Variants in GNAO1 observed in about 807,000 individuals in gnomAD.
GNAO1 encodes the protein G protein subunit alpha o1, also known as guanine nucleotide-binding protein G(o) subunit alpha.
For missense variants in GNAO1, 166 were observed against 478.7 expected (o/e 0.35, Z 6.10); for synonymous variants, 164 against 180.7 (o/e 0.91, Z 0.74).
intron 3 of GNAO1, among the ~76,000 whole-genome samples, chr16:56,292,370 A>AT (rs1322082984): frequency 8.6e-5 from 13 of 151,518 alleles, no homozygotes; most frequent in African/African-American, 2.2e-4. Flanking sequence ...TTAAATTTGG[A>AT]TTTTTTTTTA....
At chr16:56,192,712 GT>G (rs2036189286) in intron 2 of GNAO1, 96 bp downstream of exon 2, 6 of 730,530 alleles carry the variant, frequency 8.2e-6, no homozygotes, top group South Asian at 7.4e-5. Flanking sequence ...CTCCAGGCCT[GT>G]TTTTTAATTC....
At chr16:56,347,095 A>G in intron 6 of GNAO1, 1 of 985,416 alleles carries the variant, frequency 1.0e-6, no homozygotes, top group Non-Finnish European at 1.2e-6. Flanking sequence ...AGTCCATTGC[A>G]GTCCCAGGTG....
At chr16:56,287,136 C>T (rs1379155591) in intron 3 of GNAO1, among the ~76,000 whole-genome samples, 2 of 152,236 alleles carry the variant, frequency 1.3e-5, no homozygotes, top group Non-Finnish European at 2.9e-5. Flanking sequence ...CCACCACTGA[C>T]CAATGGTCTC....
Position 56,212,728 on chromosome 16 carries a change from A to T in GNAO1, c.161+20112A>T, listed in dbSNP as rs990246137. Among the ~76,000 whole-genome samples, 8 of 152,226 alleles carry T rather than the reference A, an allele frequency of 5.3e-5. No individual in the cohort carries two copies. The East Asian group carries it at 9.6e-4, about 18-fold the overall frequency. On this transcript the variant is annotated intron_variant, in intron 2 of 8. Coordinates refer to ENST00000262493, the MANE Select transcript of GNAO1 (RefSeq NM_020988.3). ...GGCAGTTACTATACAGATGTAAGTG[A>T]TGGTGACAAGGTCGCTGTTGTGCTA...
At chr16:56,210,756 A>G (rs960347649) in intron 2 of GNAO1, among the ~76,000 whole-genome samples, 2 of 151,988 alleles carry the variant, frequency 1.3e-5, no homozygotes, top group African/African-American at 4.8e-5. Flanking sequence ...CCCACTTTTT[A>G]ATTGGGTCAT....
At chr16:56,211,004 A>G (rs1236226651) in intron 2 of GNAO1, among the ~76,000 whole-genome samples, 1 of 152,168 alleles carries the variant, frequency 6.6e-6, no homozygotes, top group Non-Finnish European at 1.5e-5. Flanking sequence ...CTAATAGTTA[A>G]TTTGTAGATT....
At chr16:56,201,152 A>G (rs900941010) in intron 2 of GNAO1, among the ~76,000 whole-genome samples, 1 of 152,188 alleles carries the variant, frequency 6.6e-6, no homozygotes, top group Non-Finnish European at 1.5e-5. Flanking sequence ...AAGGGCCACA[A>G]TGTCTGTATA....
chr16:56,298,930 A>G (rs986873165), intron 3 of GNAO1, among the ~76,000 whole-genome samples: 6 of 151,448 alleles, frequency 4.0e-5, no homozygotes, highest in South Asian at 2.1e-4. Context: ...AAAAAAAAAA[A>G]GGGTTAATTA....
At chr16:56,192,533 T>C (rs2036186929) in intron 1 of GNAO1, 41 bp from the exon 2 acceptor site, 1 of 1,133,032 alleles carries the variant, frequency 8.8e-7, no homozygotes. Context: ...TCCCTTAAGC[T>C]GACACTCACC....
At chr16:56,229,652 A>G (rs939786163) in intron 2 of GNAO1, among the ~76,000 whole-genome samples, 9 of 148,596 alleles carry the variant, frequency 6.1e-5, no homozygotes, top group Admixed American at 1.3e-4. Context: ...TGGATGGATG[A>G]ATAAATAGAT....
rs2036179282 is a variant in GNAO1 at position 56,192,033 on chromosome 16, G to C, written c.-203G>C. ...ACCCCAGACCCCTGCCAGCTGCCGCGAGTCTCCGCTGCTGGAATCTTGTTA... is the reference window on the plus strand; with the variant it reads ...ACCCCAGACCCCTGCCAGCTGCCGCCAGTCTCCGCTGCTGGAATCTTGTTA... On this transcript the variant is annotated 5_prime_UTR_variant, in exon 1 of 9. Transcript: ENST00000262493. 1 of 582,670 alleles carries C rather than the reference G, an allele frequency of 1.7e-6. No homozygotes were observed. Among genetic ancestry groups the C allele is most frequent in the African/African-American group, 1.9e-5 (1 of 53,472 alleles). 36.1% of individuals were successfully genotyped at this position (582,670 alleles called of 1,614,324 possible).
chr16:56,221,135 G>C (rs772692173), intron 2 of GNAO1, among the ~76,000 whole-genome samples: 1 of 152,162 alleles, frequency 6.6e-6, no homozygotes, highest in Non-Finnish European at 1.5e-5. Flanking sequence ...ATGGGAGGAT[G>C]CTTCAAGAAG....
intron 5 of GNAO1, among the ~76,000 whole-genome samples, chr16:56,335,576 ACTCCTGCCCG>A (rs1168120315): frequency 6.6e-6 from 1 of 151,880 alleles, no homozygotes; most frequent in Non-Finnish European, 1.5e-5. Flanking sequence ...CATGTCCCCA[ACTCCTGCCCG>A]CTCCTGTTCA....
At chr16:56,197,253 C>A (rs1478603906) in intron 2 of GNAO1, among the ~76,000 whole-genome samples, 1 of 152,242 alleles carries the variant, frequency 6.6e-6, no homozygotes, top group Non-Finnish European at 1.5e-5. Flanking sequence ...GAGAGCCACT[C>A]TTCTAGATTT....
chr16:56,207,715 A>G (rs2036343786), intron 2 of GNAO1, among the ~76,000 whole-genome samples: 3 of 152,238 alleles, frequency 2.0e-5, no homozygotes, highest in African/African-American at 7.2e-5. Flanking sequence ...CCTACAGGTA[A>G]TAAAGCAGAA....
intron 2 of GNAO1, among the ~76,000 whole-genome samples, chr16:56,213,659 G>T (rs2036411457): frequency 6.6e-6 from 1 of 152,056 alleles, no homozygotes; most frequent in South Asian, 2.1e-4. Flanking sequence ...AAGTCGTCAG[G>T]GAGGGCCATA....
chr16:56,352,320 TC>T (rs1165708071), intron 7 of GNAO1: 2 of 152,466 alleles, frequency 1.3e-5, no homozygotes, highest in Non-Finnish European at 2.9e-5. Flanking sequence ...GATGGTGGCT[TC>T]CGTGGAATGG....
intron 2 of GNAO1, among the ~76,000 whole-genome samples, chr16:56,253,799 G>A (rs1239853357): frequency 3.3e-5 from 5 of 152,198 alleles, no homozygotes; most frequent in Non-Finnish European, 4.4e-5. Flanking sequence ...GGATGAAGGG[G>A]CCAGACCTGG....
At position 56,261,109 on chromosome 16, in the gene GNAO1, G is replaced by A. The variant is rs751254190; in HGVS notation, c.162-14822G>A. Among the ~76,000 whole-genome samples the A allele has an allele frequency of 5.3e-5, 8 of 152,324 alleles. No individual in the cohort carries two copies. In the East Asian group the frequency reaches 5.8e-4, roughly 11 times the overall value. ...GCAACTGACCACTGCCGTTTCATTTGAGGAGACATGAGTTACCCTGGAGAG... is the reference window on the plus strand; with the variant it reads ...GCAACTGACCACTGCCGTTTCATTTAAGGAGACATGAGTTACCCTGGAGAG... On this transcript the variant is annotated intron_variant, in intron 2 of 8. Transcript: ENST00000262493.
Sources: gnomAD v4.1 joint callset for allele counts (sites outside exome capture counted in the v4.1 genomes callset) on GRCh38, gnomAD v4.1.1 for gene constraint, MANE v1.5 for transcripts, NCBI Gene and HGNC (gene_info 2026-07-23, HGNC 2026-07-21) for gene names.